SH3BGRL2: variants seen among roughly 807,000 people sequenced by gnomAD.
SH3BGRL2 encodes SH3 domain-binding glutamic acid-rich-like protein 2.
SH3BGRL2 carries 21 observed loss-of-function variants against 14.8 expected under a neutral mutation model. That is an observed-to-expected ratio of 1.42 (90% CI 1.01 to 2.05). The LOEUF (loss-of-function observed/expected upper bound fraction) is 2.05, where lower values mean the gene tolerates loss of function less well. Among genes scored for constraint, SH3BGRL2 ranks in the 30% most tolerant of loss-of-function variants. SH3BGRL2 has a pLI of 0.00. For missense variants in SH3BGRL2, 147 were observed against 130.8 expected (o/e 1.12, Z -0.61); for synonymous variants, 50 against 47.8 (o/e 1.05, Z -0.19).
At chr6:79,598,129 A>G in the SH3BGRL2 span, among the ~76,000 whole-genome samples, 3 of 152,242 alleles carry the variant, frequency 2.0e-5, no homozygotes, top group African/African-American at 4.8e-5. Context: ...TGAAGCCCTC[A>G]TACAACACTG....
chr6:79,638,921 A>C (rs1768979039), intron 1 of SH3BGRL2, among the ~76,000 whole-genome samples: 1 of 152,176 alleles, frequency 6.6e-6, no homozygotes, highest in South Asian at 2.1e-4. Flanking sequence ...TGAGGAAACT[A>C]AATTTTGACA....
the SH3BGRL2 span, among the ~76,000 whole-genome samples, chr6:79,604,619 G>T: frequency 2.6e-5 from 4 of 152,076 alleles, no homozygotes; most frequent in African/African-American, 9.7e-5. Flanking sequence ...TCTCTTCAGG[G>T]CCCCAGTTGT....
the SH3BGRL2 span, among the ~76,000 whole-genome samples, chr6:79,610,491 C>A: frequency 1.1e-4 from 16 of 152,308 alleles, no homozygotes; most frequent in African/African-American, 3.6e-4. Context: ...TAAATGCTCA[C>A]AGCAGTTCAT....
intron 1 of SH3BGRL2, among the ~76,000 whole-genome samples, chr6:79,639,363 C>A (rs1396917958): frequency 6.6e-6 from 1 of 152,150 alleles, no homozygotes; most frequent in African/African-American, 2.4e-5. Flanking sequence ...CTGAGTCAGG[C>A]AGATCTCTTG....
At chr6:79,582,722 T>A in the SH3BGRL2 span, among the ~76,000 whole-genome samples, 13 of 152,152 alleles carry the variant, frequency 8.5e-5, no homozygotes, top group Admixed American at 7.2e-4. Flanking sequence ...GACATAGGCA[T>A]GGGCAAGGAC....
intron 3 of SH3BGRL2, 119 bp from the exon 4 acceptor site, chr6:79,699,379 T>C (rs1770401937): frequency 8.3e-7 from 1 of 1,203,984 alleles, no homozygotes. Flanking sequence ...GGTGATCTGT[T>C]ATGATTTCCA....
the SH3BGRL2 span, among the ~76,000 whole-genome samples, chr6:79,539,954 G>GATA: frequency 6.6e-6 from 1 of 152,130 alleles, no homozygotes; most frequent in Non-Finnish European, 1.5e-5. Flanking sequence ...ACAGAAATGT[G>GATA]ATACATAACA....
At chr6:79,688,077 C>T (rs542319825) in intron 2 of SH3BGRL2, among the ~76,000 whole-genome samples, 2 of 152,042 alleles carry the variant, frequency 1.3e-5, no homozygotes, top group East Asian at 3.9e-4. Flanking sequence ...CTTAAGTAAG[C>T]CTTGTGGAGG....
chr6:79,551,343 G>A, the SH3BGRL2 span, among the ~76,000 whole-genome samples: 1 of 152,148 alleles, frequency 6.6e-6, no homozygotes, highest in East Asian at 1.9e-4. Context: ...TTTGCAGTGG[G>A]CTGTCTAAAA....
the SH3BGRL2 span, chr6:79,574,279 T>G: frequency 1.3e-5 from 2 of 152,054 alleles, no homozygotes; most frequent in Non-Finnish European, 2.9e-5. Flanking sequence ...TGGGAAACTG[T>G]GGGAAGGGAA....
the SH3BGRL2 span, among the ~76,000 whole-genome samples, chr6:79,557,710 G>T: frequency 6.6e-6 from 1 of 152,132 alleles, no homozygotes; most frequent in Admixed American, 6.5e-5. Flanking sequence ...CGCTTGTTAG[G>T]ATATAACCTT....
chr6:79,583,646 G>A, the SH3BGRL2 span, among the ~76,000 whole-genome samples: 16 of 152,240 alleles, frequency 1.1e-4, no homozygotes, highest in East Asian at 3.9e-4. Context: ...TGGGGAGCTC[G>A]GGGAGGGGTA....
chr6:79,619,804 CT>C, the SH3BGRL2 span, among the ~76,000 whole-genome samples: 1 of 152,188 alleles, frequency 6.6e-6, no homozygotes, highest in East Asian at 1.9e-4. Flanking sequence ...TATTCCTTTT[CT>C]CTTCTATAGC....
chr6:79,599,142 A>G, the SH3BGRL2 span, among the ~76,000 whole-genome samples: 1 of 152,148 alleles, frequency 6.6e-6, no homozygotes, highest in African/African-American at 2.4e-5. Context: ...ATTAAAAACA[A>G]TGTTATAGTA....
the SH3BGRL2 span, chr6:79,552,740 T>G: frequency 6.6e-6 from 1 of 152,202 alleles, no homozygotes; most frequent in African/African-American, 2.4e-5. Context: ...TCCAGGTGAT[T>G]TGTATGCACA....
At chr6:79,681,236 A>T (rs1769982935) in intron 2 of SH3BGRL2, among the ~76,000 whole-genome samples, 1 of 152,224 alleles carries the variant, frequency 6.6e-6, no homozygotes, top group African/African-American at 2.4e-5. Context: ...GCTGAGAGAC[A>T]GATGGCAAAC....
At chr6:79,555,245 T>C in the SH3BGRL2 span, among the ~76,000 whole-genome samples, 1 of 151,732 alleles carries the variant, frequency 6.6e-6, no homozygotes, top group Non-Finnish European at 1.5e-5. Context: ...AGGTCACGAG[T>C]TCAAGACCAG....
At chr6:79,674,469 C>T (rs1769841780) in intron 2 of SH3BGRL2, among the ~76,000 whole-genome samples, 1 of 152,144 alleles carries the variant, frequency 6.6e-6, no homozygotes, top group Admixed American at 6.5e-5. Flanking sequence ...AAACTTCTTT[C>T]TAATGAGTAA....
chr6:79,578,039 A>C, the SH3BGRL2 span, among the ~76,000 whole-genome samples: 4 of 152,234 alleles, frequency 2.6e-5, no homozygotes, highest in African/African-American at 7.2e-5. Flanking sequence ...GTCTGAGATC[A>C]ATCTGCAAGG....
Sources: allele counts gnomAD v4.1 joint callset (sites outside exome capture counted in the v4.1 genomes callset), GRCh38; gene constraint gnomAD v4.1.1; transcripts MANE v1.5; gene names NCBI Gene and HGNC (gene_info 2026-07-23, HGNC 2026-07-21).